HDAC9: variants seen among roughly 807,000 people sequenced by gnomAD.
HDAC9 encodes the protein MEF-2 interacting transcription repressor (MITR) protein.
A neutral mutation model predicts 139.4 loss-of-function variants in HDAC9; 41 were observed. The ratio of observed to expected loss-of-function variants is 0.29; its 90% CI spans 0.23 to 0.38. HDAC9 has a LOEUF of 0.38. HDAC9 is among the 10% of genes least tolerant of loss of function. The pLI is 1.00. For missense variants in HDAC9, 1,147 were observed against 1,297.0 expected, an observed-to-expected ratio of 0.88 and a Z score of 1.78; for synonymous variants, 517 against 476.2, an observed-to-expected ratio of 1.09 and a Z score of -1.12.
intron 11 of HDAC9, among the ~76,000 whole-genome samples, chr7:18,662,201 A>G (rs1291972569): frequency 6.6e-6 from 1 of 152,102 alleles, no homozygotes; most frequent in Non-Finnish European, 1.5e-5. Context: ...TTCCCTTTCT[A>G]AAATGTTTCA....
chr7:18,449,085 C>T lies in HDAC9; in HGVS notation c.-41-47177C>T, dbSNP rs1035654723. On this transcript the variant is annotated intron_variant, in intron 1 of 3. Coordinates refer to the HDAC9 transcript ENST00000413509. ...ACACTTTATAATAAGTAAGTCTGAA[C>T]GTATGTATACCTTAAGACCCTGCAT... Among the ~76,000 whole-genome samples, 9 of 152,040 alleles carry T rather than the reference C, an allele frequency of 5.9e-5. No individual in the cohort carries two copies. In the South Asian group the frequency reaches 8.3e-4, roughly 14 times the overall value.
At chr7:18,174,311 G>C (rs1325040601) in intron 2 of HDAC9, among the ~76,000 whole-genome samples, 2 of 152,074 alleles carry the variant, frequency 1.3e-5, no homozygotes, top group Non-Finnish European at 2.9e-5. Flanking sequence ...GGTCATTTAA[G>C]GTCTTCTCTA....
chr7:18,649,575 G>T (rs74390746), intron 11 of HDAC9, among the ~76,000 whole-genome samples: 1,583 of 152,234 alleles, frequency 0.01, 24 homozygotes, highest in African/African-American at 0.036. Context: ...TAAATGGATA[G>T]CTAAAACCTG....
At chr7:18,160,477 C>T (rs1394780221) in intron 1 of HDAC9, among the ~76,000 whole-genome samples, 1 of 152,148 alleles carries the variant, frequency 6.6e-6, no homozygotes, top group East Asian at 1.9e-4. Flanking sequence ...TCAGTTTTCT[C>T]ACCTATTAGG....
At chr7:18,743,648 C>T (rs959792026) in intron 13 of HDAC9, among the ~76,000 whole-genome samples, 3 of 150,256 alleles carry the variant, frequency 2.0e-5, no homozygotes, top group East Asian at 1.9e-4. Context: ...ATAAACTGCA[C>T]TTCAGCCTAG....
intron 14 of HDAC9, among the ~76,000 whole-genome samples, chr7:18,757,482 A>G (rs1788980661): frequency 6.6e-6 from 1 of 152,140 alleles, no homozygotes; most frequent in Non-Finnish European, 1.5e-5. Context: ...ATAATACCAA[A>G]CCAATGCAAC....
intron 21 of HDAC9, among the ~76,000 whole-genome samples, chr7:18,859,046 T>A (rs184325517): frequency 1.3e-5 from 2 of 152,186 alleles, no homozygotes; most frequent in Non-Finnish European, 2.9e-5. Flanking sequence ...CAGACAGATA[T>A]GAGTTTGAAT....
At position 18,997,287 on chromosome 7, in the gene HDAC9, G is replaced by A. The variant is rs1443646800; in HGVS notation, c.*1225G>A. On this transcript the variant is annotated 3_prime_UTR_variant, in exon 26 of 26. Coordinates refer to ENST00000686413, the MANE Select transcript of HDAC9 (RefSeq NM_178425.4). ...CTTGAACTGACTTAACCTAGAAGCT[G>A]TGCCTTCTTGTGAAAAAAAAAAAAA... 4 of 125,128 alleles carry A rather than the reference G, an allele frequency of 3.2e-5. No homozygotes were observed. The highest frequency in any genetic ancestry group is 9.4e-5 in the African/African-American group (3 of 31,986). The allele number at this position is 125,128 out of a possible 1,614,324, so 7.8% of individuals were successfully genotyped here. A position where few individuals can be genotyped will look rare whatever the true frequency, so the allele number is the denominator to read the frequency against.
intron 1 of HDAC9, among the ~76,000 whole-genome samples, chr7:18,315,802 T>G (rs955972824): frequency 6.6e-6 from 1 of 152,206 alleles, no homozygotes; most frequent in African/African-American, 2.4e-5. Flanking sequence ...GACAGATCCT[T>G]GTGATGATGA....
chr7:18,600,173 T>C (rs1833575263), intron 6 of HDAC9, among the ~76,000 whole-genome samples: 1 of 152,146 alleles, frequency 6.6e-6, no homozygotes, highest in African/African-American at 2.4e-5. Context: ...TGAGATTTAA[T>C]AATTATTTGT....
At chr7:18,689,608 G>A (rs1286074151) in intron 12 of HDAC9, among the ~76,000 whole-genome samples, 1 of 151,932 alleles carries the variant, frequency 6.6e-6, no homozygotes, top group Non-Finnish European at 1.5e-5. Context: ...TTGGCTTACG[G>A]TTTTACAGCA....
In HDAC9 at chr7:18,815,889, A is replaced by G. The variant is rs564076093; in HGVS notation, c.2323-13272A>G. ...TCTCCCAGATTCCAGCATGTGAGAG[A>G]CAAATTTTCTTTGTGAAAATTCCCT... On this transcript the variant is annotated intron_variant, in intron 17 of 25. Coordinates refer to ENST00000686413, the MANE Select transcript of HDAC9 (RefSeq NM_178425.4). Among the ~76,000 whole-genome samples the G allele has an allele frequency of 1.9e-4, 29 of 152,344 alleles. 1 individual carries two copies. The highest frequency in any genetic ancestry group is 6.5e-4 in the African/African-American group (27 of 41,592).
intron 2 of HDAC9, among the ~76,000 whole-genome samples, chr7:18,209,185 T>G (rs1404800060): frequency 1.3e-5 from 2 of 152,196 alleles, no homozygotes; most frequent in Non-Finnish European, 1.5e-5. Flanking sequence ...ACATTCTGAT[T>G]CAACAAAACT....
chr7:18,816,703 G>C (rs1483818137), intron 17 of HDAC9, among the ~76,000 whole-genome samples: 1 of 152,054 alleles, frequency 6.6e-6, no homozygotes, highest in African/African-American at 2.4e-5. Context: ...AGCAGGGGAA[G>C]GCAGTATTCA....
intron 12 of HDAC9, among the ~76,000 whole-genome samples, chr7:18,680,945 G>A (rs1202655075): frequency 6.6e-6 from 1 of 152,024 alleles, no homozygotes; most frequent in Non-Finnish European, 1.5e-5. Context: ...ATGACATTTG[G>A]CCTTGGGGAA....
chr7:18,933,115 G>T lies in HDAC9; in HGVS notation c.2804-2694G>T, dbSNP rs143312413. ...CAACCCCAGTGTCTTAGTTCAGGCT[G>T]CTGTATCAAAATACGATAGACTGAT... On this transcript the variant is annotated intron_variant, in intron 22 of 25. Coordinates refer to ENST00000686413, the MANE Select transcript of HDAC9 (RefSeq NM_178425.4). Among the ~76,000 whole-genome samples, 623 of 152,252 alleles carry T rather than the reference G, an allele frequency of 4.1e-3. 4 individuals are homozygous for T. Among genetic ancestry groups the T allele is most frequent in the African/African-American group, 0.014 (601 of 41,554 alleles).
intron 12 of HDAC9, among the ~76,000 whole-genome samples, chr7:18,677,303 G>GT (rs1268621121): frequency 6.6e-6 from 1 of 151,710 alleles, no homozygotes; most frequent in African/African-American, 2.4e-5. Flanking sequence ...ATCCTTCCAT[G>GT]TATGTACCAG....
intron 2 of HDAC9, among the ~76,000 whole-genome samples, chr7:18,178,821 G>T (rs1441425573): frequency 6.6e-6 from 1 of 152,094 alleles, no homozygotes; most frequent in African/African-American, 2.4e-5. Flanking sequence ...AAAATACATA[G>T]AAAGGAAAAC....
At chr7:18,586,847 A>C (rs767975349) in intron 3 of HDAC9, among the ~76,000 whole-genome samples, 1 of 152,252 alleles carries the variant, frequency 6.6e-6, no homozygotes, top group East Asian at 1.9e-4. Flanking sequence ...ATTTTGAAGT[A>C]TGGGTAGCCT....
Sources: allele counts gnomAD v4.1 joint callset (sites outside exome capture counted in the v4.1 genomes callset), GRCh38; gene constraint gnomAD v4.1.1; transcripts MANE v1.5; gene names NCBI Gene and HGNC (gene_info 2026-07-23, HGNC 2026-07-21).